The following SGCZ variants were observed in gnomAD, a reference collection of about 807,000 sequenced individuals.
The protein encoded by SGCZ is zeta-sarcoglycan.
A neutral mutation model predicts 41.3 loss-of-function variants in SGCZ; 40 were observed. That is an observed-to-expected ratio of 0.97 (90% CI 0.75 to 1.26). The LOEUF is 1.26. SGCZ is among the 50% of genes most tolerant of loss of function. The pLI, the probability that SGCZ is intolerant of heterozygous loss-of-function variation, is 0.00. For missense variants in SGCZ, 552 were observed against 369.8 expected, an observed-to-expected ratio of 1.49 and a Z score of -4.04; for synonymous variants, 206 against 137.5, an observed-to-expected ratio of 1.50 and a Z score of -3.49.
chr8:14,880,212 T>C (rs895876420), intron 1 of SGCZ, among the ~76,000 whole-genome samples: 2 of 152,158 alleles, frequency 1.3e-5, no homozygotes, highest in Non-Finnish European at 2.9e-5. Flanking sequence ...TTGCTCATCA[T>C]CACTGGCCAT....
chr8:15,152,883 G>C (rs1799222744), intron 1 of SGCZ, among the ~76,000 whole-genome samples: 1 of 152,170 alleles, frequency 6.6e-6, no homozygotes, highest in South Asian at 2.1e-4. Context: ...GACCAAGAAA[G>C]TTCATAGCAG....
intron 1 of SGCZ, among the ~76,000 whole-genome samples, chr8:14,675,353 C>T (rs1043726611): frequency 5.9e-5 from 9 of 151,894 alleles, no homozygotes; most frequent in Non-Finnish European, 7.4e-5. Context: ...ACATTTCTCT[C>T]TTTAGAATGT....
rs531471713 is a variant in SGCZ, at chr8:14,331,083, T to C, written c.235-6879A>G. Among the ~76,000 whole-genome samples the C allele has an allele frequency of 1.4e-3, 218 of 151,878 alleles. 1 individual carries two copies. The highest frequency in any genetic ancestry group is 2.6e-3 in the Non-Finnish European group (176 of 67,842). On this transcript the variant is annotated intron_variant, in intron 2 of 7. Coordinates refer to ENST00000382080, the MANE Select transcript of SGCZ (RefSeq NM_139167.4). ...TCTAAAGATATTATTTATTATATAT[T>C]TAAATTTGTATGAGGAAAAAATCTT...
At chr8:15,180,830 T>C (rs1277193765) in intron 1 of SGCZ, among the ~76,000 whole-genome samples, 1 of 150,264 alleles carries the variant, frequency 6.7e-6, no homozygotes, top group African/African-American at 2.5e-5. Flanking sequence ...GAGTTTGCAG[T>C]GAGCCGAGAT....
chr8:14,291,078 G>A (rs1322806648), intron 3 of SGCZ, among the ~76,000 whole-genome samples: 1 of 151,988 alleles, frequency 6.6e-6, no homozygotes, highest in Non-Finnish European at 1.5e-5. Context: ...AAATAAGCCA[G>A]GCACAGAAAG....
chr8:14,804,596 C>T (rs13258215), intron 1 of SGCZ, among the ~76,000 whole-genome samples: 35,280 of 130,600 alleles, frequency 0.27, 5,496 homozygotes, highest in East Asian at 0.41. Flanking sequence ...ACCAAATCTA[C>T]GTCTGATTGG....
At chr8:14,816,577 C>A (rs901455124) in intron 1 of SGCZ, among the ~76,000 whole-genome samples, 6 of 152,112 alleles carry the variant, frequency 3.9e-5, no homozygotes, top group Non-Finnish European at 5.9e-5. Context: ...TGGATGGGAA[C>A]AAATTCTCAA....
chr8:14,540,598 A>G (rs1803435978), intron 2 of SGCZ, among the ~76,000 whole-genome samples: 2 of 151,878 alleles, frequency 1.3e-5, no homozygotes, highest in South Asian at 4.1e-4. Context: ...GCTATATTTT[A>G]GTGTATGCAA....
intron 1 of SGCZ, among the ~76,000 whole-genome samples, chr8:14,820,921 CA>C (rs79481818): frequency 0.14 from 18,028 of 132,598 alleles, 1,359 homozygotes; most frequent in East Asian, 0.32. Context: ...CCTAAAGGAA[CA>C]AAAAAAAAAC....
At chr8:14,758,924 G>C (rs1015514280) in intron 1 of SGCZ, among the ~76,000 whole-genome samples, 1 of 150,606 alleles carries the variant, frequency 6.6e-6, no homozygotes, top group Admixed American at 6.6e-5. Flanking sequence ...AGGAGAATCA[G>C]TTGAACCCAG....
chr8:15,236,839 G>A (rs1802141082), intron 1 of SGCZ, among the ~76,000 whole-genome samples: 1 of 151,986 alleles, frequency 6.6e-6, no homozygotes, highest in Admixed American at 6.5e-5. Context: ...GGGGCTCCAG[G>A]CTGGTGGGAG....
intron 1 of SGCZ, among the ~76,000 whole-genome samples, chr8:14,667,896 T>A (rs189872504): frequency 2.1e-4 from 32 of 152,286 alleles, no homozygotes; most frequent in Non-Finnish European, 1.0e-4. Flanking sequence ...CTCTCTTAGA[T>A]ACCTAGAGTT....
At chr8:15,173,374 A>T (rs1223270178) in intron 1 of SGCZ, among the ~76,000 whole-genome samples, 2 of 152,178 alleles carry the variant, frequency 1.3e-5, no homozygotes, top group African/African-American at 4.8e-5. Flanking sequence ...CAGTTTTCTC[A>T]TCTATAAAAA....
At chr8:14,784,532 C>T (rs1426891139) in intron 1 of SGCZ, among the ~76,000 whole-genome samples, 1 of 151,810 alleles carries the variant, frequency 6.6e-6, no homozygotes, top group Admixed American at 6.6e-5. Flanking sequence ...CTGGTAGTAC[C>T]ATTACTAATT....
chr8:14,589,337 C>A (rs1462509500), intron 1 of SGCZ, among the ~76,000 whole-genome samples: 1 of 101,086 alleles, frequency 9.9e-6, no homozygotes, highest in East Asian at 2.7e-4. Flanking sequence ...CAGAGTGAGA[C>A]TCCATCTCAA....
At chr8:14,938,153 G>C (rs1800146489) in intron 1 of SGCZ, among the ~76,000 whole-genome samples, 1 of 152,104 alleles carries the variant, frequency 6.6e-6, no homozygotes, top group African/African-American at 2.4e-5. Context: ...ATTTATACAA[G>C]TTCTGCATGT....
chr8:14,092,976 C>G (rs1801734886), intron 7 of SGCZ, among the ~76,000 whole-genome samples: 1 of 151,924 alleles, frequency 6.6e-6, no homozygotes, highest in African/African-American at 2.4e-5. Flanking sequence ...ATGCTTTATT[C>G]TAAATCATGG....
At chr8:14,381,460 G>C (rs1431233997) in intron 2 of SGCZ, among the ~76,000 whole-genome samples, 1 of 151,986 alleles carries the variant, frequency 6.6e-6, no homozygotes, top group East Asian at 1.9e-4. Context: ...TGTCCTCTAA[G>C]AATACTTCCA....
At chr8:14,169,495 A>C (rs111398428) in intron 4 of SGCZ, among the ~76,000 whole-genome samples, 32 of 152,228 alleles carry the variant, frequency 2.1e-4, no homozygotes, top group African/African-American at 7.7e-4. Flanking sequence ...TTTTAGGAGA[A>C]TCTGACACAC....
Sources: allele counts gnomAD v4.1 joint callset (sites outside exome capture counted in the v4.1 genomes callset), GRCh38; gene constraint gnomAD v4.1.1; transcripts MANE v1.5; gene names NCBI Gene and HGNC (gene_info 2026-07-23, HGNC 2026-07-21).